The following MAD1L1 variants were observed in gnomAD, a reference collection of about 807,000 sequenced individuals.
MAD1L1 encodes mitotic spindle assembly checkpoint protein MAD1.
Under a neutral mutation model 96.9 loss-of-function variants are expected in MAD1L1, and 95 were observed. The observed-to-expected ratio is 0.98, with a 90% CI of 0.83 to 1.16. MAD1L1 has a LOEUF of 1.16. Among genes scored for constraint, MAD1L1 ranks in the 50% most tolerant of loss-of-function variants. The pLI, the probability that MAD1L1 is intolerant of heterozygous loss-of-function variation, is 0.00. For missense variants in MAD1L1, 1,007 were observed against 954.4 expected (o/e 1.06, Z -0.73); for synonymous variants, 473 against 396.6 (o/e 1.19, Z -2.29).
chr7:1,898,134 T>C (rs759004370), intron 18 of MAD1L1, 66 bp downstream of exon 18: 5 of 1,497,552 alleles, frequency 3.3e-6, no homozygotes, highest in African/African-American at 1.4e-5. Context: ...AGGGCTACGG[T>C]CGGATCTCCC....
At chr7:2,113,830 C>T in intron 11 of MAD1L1, among the ~76,000 whole-genome samples, 1 of 152,176 alleles carries the variant, frequency 6.6e-6, no homozygotes, top group Non-Finnish European at 1.5e-5. Flanking sequence ...TGTATAACAT[C>T]AGACTCGCTC....
chr7:2,065,696 CCA>C (rs1784848441), intron 12 of MAD1L1, among the ~76,000 whole-genome samples: 1 of 152,204 alleles, frequency 6.6e-6, no homozygotes, highest in Admixed American at 6.5e-5. Flanking sequence ...ACCATGACAA[CCA>C]CAGTCTGTGC....
chr7:1,977,637 A>G (rs757753772), intron 15 of MAD1L1, among the ~76,000 whole-genome samples: 15 of 152,384 alleles, frequency 9.8e-5, no homozygotes, highest in Non-Finnish European at 1.6e-4. Context: ...GATGTAAAAG[A>G]TATCAATGAT....
chr7:2,110,404 C>T (rs1787319473), intron 11 of MAD1L1, among the ~76,000 whole-genome samples: 1 of 152,216 alleles, frequency 6.6e-6, no homozygotes, highest in African/African-American at 2.4e-5. Context: ...ACGCCCAAAG[C>T]GGAAATCAGA....
chr7:1,925,527 G>C (rs543758509), intron 17 of MAD1L1, among the ~76,000 whole-genome samples: 1 of 152,320 alleles, frequency 6.6e-6, no homozygotes, highest in African/African-American at 2.4e-5. Flanking sequence ...CAGGAGGGCA[G>C]ATACAGAGAG....
chr7:1,917,759 G>A lies in MAD1L1; in HGVS notation c.1807+18928C>T, dbSNP rs528893028. On this transcript the variant is annotated intron_variant, in intron 17 of 18. Coordinates refer to ENST00000265854, the MANE Select transcript of MAD1L1 (RefSeq NM_001013836.2). ...GCACACGCTGCCCGGGCGTGTGGCC[G>A]TGCACAGCCAGGACAGAGAAGTCAT... 1.5e-3 allele frequency among the ~76,000 whole-genome samples: 229 copies of A among 152,302 alleles called. 1 individual carries two copies. Among genetic ancestry groups the A allele is most frequent in the African/African-American group, 5.2e-3 (218 of 41,570 alleles).
At chr7:2,072,905 A>G (rs888766891) in intron 11 of MAD1L1, among the ~76,000 whole-genome samples, 1 of 152,210 alleles carries the variant, frequency 6.6e-6, no homozygotes, top group East Asian at 1.9e-4. Context: ...GTGGGGCTGG[A>G]GTCCCCCCGC....
chr7:2,182,580 G>A (rs1791252671), intron 10 of MAD1L1, among the ~76,000 whole-genome samples: 1 of 152,154 alleles, frequency 6.6e-6, no homozygotes, highest in Admixed American at 6.5e-5. Context: ...CTGATGAATG[G>A]GTCACTGAAA....
intron 17 of MAD1L1, 152 bp downstream of exon 17, chr7:1,936,535 C>T (rs1778613166): frequency 3.8e-6 from 3 of 788,762 alleles, no homozygotes; most frequent in Non-Finnish European, 5.9e-6. Flanking sequence ...GGGTGCTCTG[C>T]CCCAGCAACC....
chr7:1,823,813 G>A (rs1243896948), intron 18 of MAD1L1, among the ~76,000 whole-genome samples: 7 of 152,158 alleles, frequency 4.6e-5, no homozygotes, highest in Non-Finnish European at 8.8e-5. Flanking sequence ...TGGGCCGGGG[G>A]AGGCATGAAT....
In MAD1L1 at chr7:2,042,118, C is replaced by A. The variant is rs561722518; in HGVS notation, c.1218+27076G>T. 1.3e-4 allele frequency among the ~76,000 whole-genome samples: 20 copies of A among 152,010 alleles called. No homozygotes were observed. The East Asian group carries it at 3.3e-3, about 25-fold the overall frequency. On this transcript the variant is annotated intron_variant, in intron 12 of 18. Transcript: ENST00000265854. Reference sequence around the variant, plus strand: ...ACACACGCACATGTGCACACACACACGCAGACACACATGCACACGGACATG... The same window carrying A: ...ACACACGCACATGTGCACACACACAAGCAGACACACATGCACACGGACATG...
chr7:2,065,166 C>T (rs1765997253), intron 12 of MAD1L1, among the ~76,000 whole-genome samples: 2 of 152,236 alleles, frequency 1.3e-5, no homozygotes, highest in South Asian at 4.1e-4. Context: ...GTACTTCCTG[C>T]ATTCTGCCCC....
intron 11 of MAD1L1, among the ~76,000 whole-genome samples, chr7:2,118,716 G>A (rs150616265): frequency 1.5e-4 from 23 of 152,262 alleles, no homozygotes; most frequent in African/African-American, 4.3e-4. Flanking sequence ...GGTTCATGCC[G>A]CCAAGGAGCA....
intron 12 of MAD1L1, among the ~76,000 whole-genome samples, chr7:2,017,799 C>T (rs781704780): frequency 6.6e-6 from 1 of 152,166 alleles, no homozygotes; most frequent in Admixed American, 6.5e-5. Flanking sequence ...GACAGATTCC[C>T]AAAGAGGCTG....
At chr7:2,053,645 T>C (rs933220657) in intron 12 of MAD1L1, among the ~76,000 whole-genome samples, 3 of 152,104 alleles carry the variant, frequency 2.0e-5, no homozygotes, top group Non-Finnish European at 4.4e-5. Flanking sequence ...AGCCAGGGCC[T>C]GGGGACACGG....
chr7:2,032,628 G>A (rs1420085315), intron 12 of MAD1L1, among the ~76,000 whole-genome samples: 2 of 152,206 alleles, frequency 1.3e-5, no homozygotes, highest in African/African-American at 4.8e-5. Context: ...TCAGCATGAG[G>A]AGAATTCAAA....
chr7:2,153,814 A>G (rs1156389018), intron 10 of MAD1L1, among the ~76,000 whole-genome samples: 1 of 152,260 alleles, frequency 6.6e-6, no homozygotes, highest in African/African-American at 2.4e-5. Context: ...ACGAATGGAT[A>G]AAGAAAATGG....
At chr7:2,025,826 G>C (rs1782972795) in intron 12 of MAD1L1, among the ~76,000 whole-genome samples, 2 of 152,114 alleles carry the variant, frequency 1.3e-5, no homozygotes, top group South Asian at 2.1e-4. Flanking sequence ...TATAATAATA[G>C]TCTATCTTAT....
chr7:2,147,480 T>C (rs921454970), intron 11 of MAD1L1, among the ~76,000 whole-genome samples: 2 of 152,238 alleles, frequency 1.3e-5, no homozygotes, highest in African/African-American at 4.8e-5. Flanking sequence ...CTGGAAACGC[T>C]TGTGAGAACC....
Sources: allele counts gnomAD v4.1 joint callset (sites outside exome capture counted in the v4.1 genomes callset), GRCh38; gene constraint gnomAD v4.1.1; transcripts MANE v1.5; gene names NCBI Gene and HGNC (gene_info 2026-07-23, HGNC 2026-07-21).